FLNB: variants seen among roughly 807,000 people sequenced by gnomAD.
FLNB encodes filamin B, also known as filamin-B.
FLNB carries 111 observed loss-of-function variants against 250.6 expected under a neutral mutation model. The observed-to-expected ratio is 0.44, with a 90% CI of 0.38 to 0.52. FLNB has a LOEUF of 0.52. FLNB is among the 20% of genes least tolerant of loss of function. FLNB has a pLI of 0.00. For synonymous variants in FLNB, 1,302 were observed against 1,372.1 expected (o/e 0.95, Z 1.13); for missense variants, 2,869 against 3,447.8 (o/e 0.83, Z 4.20).
chr3:58,135,702 T>G (rs2097314755), intron 27 of FLNB, among the ~76,000 whole-genome samples: 1 of 152,138 alleles, frequency 6.6e-6, no homozygotes, highest in African/African-American at 2.4e-5. Flanking sequence ...AGCCTCTGCC[T>G]CCTCCCCTCC....
intron 3 of FLNB, among the ~76,000 whole-genome samples, chr3:58,079,427 A>AT (rs1422208082): frequency 1.3e-5 from 2 of 151,912 alleles, no homozygotes; most frequent in African/African-American, 2.4e-5. Context: ...TAATTTTTGT[A>AT]TTTTTAGTAG....
In FLNB at chr3:58,134,625, G is replaced by C. The variant is rs758698738; in HGVS notation, c.4524G>C (p.Lys1508Asn). 1 of 1,614,044 alleles carries C rather than the reference G, an allele frequency of 6.2e-7. No individual in the cohort carries two copies. The highest frequency in any genetic ancestry group is 1.3e-5 in the African/African-American group (1 of 75,014). Reference protein sequence around the residue: ...ADEEIPRSPFKVKVLPTYDAS... With the variant: ...ADEEIPRSPFNVKVLPTYDAS... ...GTGTGTGTCTATCAAGTCCCTTCAA[G>C]GTCAAGGTCCTTCCCACATATGATG... is the stretch of plus-strand genomic sequence containing the variant. The change falls in exon 27 of 46, where the codon AAG becomes AAC. Residue 1508 changes from lysine to asparagine, a missense_variant. By Grantham distance (94) the Lys-to-Asn change is moderately conservative (BLOSUM62 0). This residue lies in a region of FLNB where 126 missense variants were observed against 182.0 expected (regional missense o/e 0.69). Transcript: ENST00000295956.
chr3:58,011,516 A>T (rs923670820), intron 1 of FLNB, among the ~76,000 whole-genome samples: 1 of 152,154 alleles, frequency 6.6e-6, no homozygotes, highest in African/African-American at 2.4e-5. Context: ...GAGACCACAG[A>T]GAGCCCTGGC....
chr3:58,036,390 T>C (rs925197989), intron 1 of FLNB, among the ~76,000 whole-genome samples: 2 of 152,090 alleles, frequency 1.3e-5, no homozygotes, highest in African/African-American at 2.4e-5. Flanking sequence ...ATTCGGCAGG[T>C]AGGGGCTCAG....
intron 1 of FLNB, among the ~76,000 whole-genome samples, chr3:58,029,893 C>T (rs547369031): frequency 5.3e-5 from 8 of 152,118 alleles, no homozygotes; most frequent in East Asian, 1.9e-4. Context: ...CTGAGGCCTC[C>T]GTCCTCACTG....
chr3:58,021,611 C>T (rs1381164022), intron 1 of FLNB, among the ~76,000 whole-genome samples: 4 of 152,180 alleles, frequency 2.6e-5, no homozygotes. Flanking sequence ...GAGTCCTTTA[C>T]AGGATGTGAT....
At chr3:58,075,487 C>G (rs2097200420) in intron 1 of FLNB, among the ~76,000 whole-genome samples, 1 of 151,962 alleles carries the variant, frequency 6.6e-6, no homozygotes, top group African/African-American at 2.4e-5. Flanking sequence ...TTTGAGCCTG[C>G]AGTATGGTGG....
At chr3:58,119,106 T>C (rs761897239) in intron 19 of FLNB, 117 bp downstream of exon 19, 36 of 823,054 alleles carry the variant, frequency 4.4e-5, no homozygotes, top group Non-Finnish European at 4.1e-5. Context: ...TAAGAGACTT[T>C]GCAGTTGCAC....
At position 58,147,199 on chromosome 3, in the gene FLNB, G is replaced by C. The variant is rs186539387; in HGVS notation, c.5728+206G>C. On this transcript the variant is annotated intron_variant, in intron 34 of 45. Coordinates refer to ENST00000295956, the MANE Select transcript of FLNB (RefSeq NM_001457.4). ...GCTGATAATCCAGGAAAATGCGAGA[G>C]CTAGTATTTGGAGCACACTTTTATT... is the stretch of plus-strand genomic sequence containing the variant. Among the ~76,000 whole-genome samples, 16 of 152,364 alleles carry C rather than the reference G, an allele frequency of 1.1e-4. 1 individual carries two copies. Among genetic ancestry groups the C allele is most frequent in the Admixed American group, 7.8e-4 (12 of 15,310 alleles).
At chr3:58,120,355 CTTT>C (rs1233922116) in intron 19 of FLNB, among the ~76,000 whole-genome samples, 1 of 152,220 alleles carries the variant, frequency 6.6e-6, no homozygotes, top group Non-Finnish European at 1.5e-5. Context: ...AGGAAAGCCT[CTTT>C]TCCGGTGGGA....
In FLNB at chr3:58,138,457, C is replaced by T. The variant is rs770779551; in HGVS notation, c.5037C>T (p.Ala1679=). ...DGTYDIFYTA[A]KPGTYVIYVR... ...CCTATGACATCTTCTACACAGCTGC[C>T]AAGCCGGGCACATATGTGATCTATG... The change falls in exon 29 of 46, where the codon GCC becomes GCT. Residue 1679 remains alanine (A), a synonymous_variant. Coordinates refer to ENST00000295956, the MANE Select transcript of FLNB (RefSeq NM_001457.4). 166 of 1,614,108 alleles carry T rather than the reference C, an allele frequency of 1.0e-4. 1 individual carries two copies. The South Asian group carries it at 1.5e-3, about 15-fold the overall frequency.
intron 25 of FLNB, among the ~76,000 whole-genome samples, chr3:58,131,556 C>A (rs2097307445): frequency 6.6e-6 from 1 of 152,178 alleles, no homozygotes. Flanking sequence ...TGCCTTTCTC[C>A]CACATAGAGG....
chr3:58,020,048 G>GGT (rs373280518), intron 1 of FLNB, among the ~76,000 whole-genome samples: 13,610 of 136,692 alleles, frequency 0.1, 733 homozygotes, highest in South Asian at 0.17. Flanking sequence ...ACACCACAGG[G>GGT]GTGTGTGTGT....
Position 58,041,180 on chromosome 3 carries a change from G to C in FLNB, c.292+32324G>C, listed in dbSNP as rs188780442. Among the ~76,000 whole-genome samples the C allele has an allele frequency of 2.5e-3, 382 of 152,328 alleles. 10 individuals are homozygous for C. Among genetic ancestry groups the C allele is most frequent in the Admixed American group, 0.022 (343 of 15,308 alleles). On this transcript the variant is annotated intron_variant, in intron 1 of 45. Transcript: ENST00000295956. ...GGGGAACTCCACAAACCAGATTTCT[G>C]TGTGGTATCCCTGTGGACACAAGGA...
At position 58,108,580 on chromosome 3, in the gene FLNB, C is replaced by T. The variant is rs753984168; in HGVS notation, c.2055+9C>T. 2 of 1,552,586 alleles carry T rather than the reference C, an allele frequency of 1.3e-6. No homozygotes were observed. The highest frequency in any genetic ancestry group is 1.8e-6 in the Non-Finnish European group (2 of 1,123,898). ...TAAAGATATTTGCTCAGGTAAATTT[C>T]AGGGGGCCACCTGTGCAGGTAATTG... On this transcript the variant is annotated intron_variant, in intron 13 of 45. Transcript: ENST00000295956.
chr3:58,136,038 T>G lies in FLNB; in HGVS notation c.4731T>G (p.Ala1577=). ...ATGACAATAAAGATGGCACGTATGC[T>G]GTCACCTACATCCCCGACAAGACTG... is the stretch of plus-strand genomic sequence containing the variant. ...IVHDNKDGTY[A]VTYIPDKTGR... is the part of the protein sequence containing the mutation. Residue 1577 remains alanine, a synonymous_variant, in exon 28 of 46, where the codon GCT becomes GCG. Transcript: ENST00000295956. 6.2e-7 allele frequency: 1 copy of G among 1,614,244 alleles called. No individual in the cohort carries two copies. The highest frequency in any genetic ancestry group is 8.5e-7 in the Non-Finnish European group (1 of 1,180,048).
chr3:58,130,824 C>A lies in FLNB; in HGVS notation c.4306C>A (p.Arg1436=). ...CGGCCCCGGGCTGGGCTCAGGCGTC[C>A]GAGCCCGTGTCCTGCAGTCCTTCAC... ...IAGPGLGSGV[R]ARVLQSFTVD... is the part of the protein sequence containing the mutation. The change falls in exon 25 of 46, where the codon CGA becomes AGA. Residue 1436 remains arginine (R), a synonymous_variant. Coordinates refer to ENST00000295956, the MANE Select transcript of FLNB (RefSeq NM_001457.4). 6.2e-7 allele frequency: 1 copy of A among 1,613,614 alleles called. No individual in the cohort carries two copies. Among genetic ancestry groups the A allele is most frequent in the Non-Finnish European group, 8.5e-7 (1 of 1,179,840 alleles).
At chr3:58,162,243 A>G (rs1489482806) in intron 42 of FLNB, among the ~76,000 whole-genome samples, 1 of 152,142 alleles carries the variant, frequency 6.6e-6, no homozygotes, top group East Asian at 1.9e-4. Flanking sequence ...AGTACTAGGC[A>G]CCAGGGAGAG....
chr3:58,020,515 G>T lies in FLNB; in HGVS notation c.292+11659G>T, dbSNP rs574372898. On this transcript the variant is annotated intron_variant, in intron 1 of 45. Transcript: ENST00000295956. ...CATTCAGGGCTCAGCCTCCCCAGCC[G>T]TCGCAGGGCTGGCTTGCTGAAAGGT... Among the ~76,000 whole-genome samples, 19 of 152,298 alleles carry T rather than the reference G, an allele frequency of 1.2e-4. No homozygotes were observed. In the South Asian group the frequency reaches 2.9e-3, roughly 23 times the overall value.
Sources: gnomAD v4.1 joint callset for allele counts (sites outside exome capture counted in the v4.1 genomes callset) on GRCh38, gnomAD v4.1.1 for gene constraint, gnomAD v4.1.1 regional missense constraint, MANE v1.5 for transcripts, NCBI Gene and HGNC (gene_info 2026-07-23, HGNC 2026-07-21) for gene names.